The following RIN3 variants were observed in gnomAD, a reference collection of about 807,000 sequenced individuals.
RIN3 encodes the protein RAB5 interacting protein 3.
A neutral mutation model predicts 76.3 loss-of-function variants in RIN3; 54 were observed. That is an observed-to-expected ratio of 0.71 (90% CI 0.57 to 0.89). The LOEUF (loss-of-function observed/expected upper bound fraction) is 0.89, where lower values mean the gene tolerates loss of function less well. Ranked by LOEUF, RIN3 falls within the 40% of genes least tolerant of loss-of-function variation. RIN3 has a pLI of 0.00. For missense variants in RIN3, 1,256 were observed against 1,322.1 expected (o/e 0.95, Z 0.78); for synonymous variants, 576 against 564.0 (o/e 1.02, Z -0.30).
chr14:92,625,902 G>A (rs1011305474), intron 4 of RIN3, among the ~76,000 whole-genome samples: 10 of 152,090 alleles, frequency 6.6e-5, no homozygotes, highest in African/African-American at 2.4e-4. Context: ...GTTCCTCTCT[G>A]GACCGGTTTT....
At chr14:92,654,119 G>A (rs1887573865) in intron 6 of RIN3, among the ~76,000 whole-genome samples, 1 of 152,080 alleles carries the variant, frequency 6.6e-6, no homozygotes, top group South Asian at 2.1e-4. Context: ...TTCGAGACCA[G>A]CCTGGCCAAC....
At chr14:92,659,113 G>A in intron 6 of RIN3, 48 bp from the exon 7 acceptor site, 1 of 1,584,174 alleles carries the variant, frequency 6.3e-7, no homozygotes, top group Non-Finnish European at 8.6e-7. Flanking sequence ...CAGGTGGCAG[G>A]ATCCCTGCAT....
At chr14:92,616,441 T>C (rs1885969111) in intron 4 of RIN3, among the ~76,000 whole-genome samples, 1 of 150,892 alleles carries the variant, frequency 6.6e-6, no homozygotes, top group Non-Finnish European at 1.5e-5. Flanking sequence ...TGGCCTACAC[T>C]GTATGGAGAG....
At chr14:92,561,974 C>T (rs1243372429) in intron 2 of RIN3, among the ~76,000 whole-genome samples, 1 of 152,216 alleles carries the variant, frequency 6.6e-6, no homozygotes, top group Non-Finnish European at 1.5e-5. Flanking sequence ...GCGTGAGCCA[C>T]CATGCCTGGT....
chr14:92,561,044 A>AAAAATATATATATATATATAT (rs1555383856), intron 2 of RIN3, among the ~76,000 whole-genome samples: 1 of 24,404 alleles, frequency 4.1e-5, no homozygotes, highest in African/African-American at 1.3e-4. Flanking sequence ...AAAAAAAAAA[A>AAAAATATATATATATATATAT]ATATATATAT....
Position 92,651,669 on chromosome 14 carries a change from T to C in RIN3, c.620T>C (p.Val207Ala). ...PRDRAPGFPL[V>A]SSLRPTAHDA... is the part of the protein sequence containing the mutation. Reference sequence around the variant, plus strand: ...GACCGGGCCCCCGGATTCCCCCTAGTCTCCAGCCTCAGGCCCACAGCCCAT... The same window carrying C: ...GACCGGGCCCCCGGATTCCCCCTAGCCTCCAGCCTCAGGCCCACAGCCCAT... Residue 207 changes from valine (V) to alanine (A), a missense_variant, in exon 6 of 10, where the codon GTC (valine) becomes GCC (alanine). Physicochemically the swap from Val to Ala is moderately conservative, Grantham distance 64 (BLOSUM62 0). Transcript: ENST00000216487. 6.2e-7 allele frequency: 1 copy of C among 1,613,626 alleles called. No homozygotes were observed. Among genetic ancestry groups the C allele is most frequent in the Non-Finnish European group, 8.5e-7 (1 of 1,179,868 alleles).
chr14:92,688,777 G>A lies in RIN3; in HGVS notation c.*525G>A. On this transcript the variant is annotated 3_prime_UTR_variant, in exon 10 of 10. Transcript: ENST00000216487. The stretch of plus-strand genomic sequence containing the variant: ...ACCCCTGCACCAGAGCCTGCTCTTA[G>A]CTCCCGGTGCCCCCAGACCCCGCAG... The A allele has an allele frequency of 6.4e-6, 1 of 156,144 alleles. No individual in the cohort carries two copies. Among genetic ancestry groups the A allele is most frequent in the Non-Finnish European group, 1.4e-5 (1 of 70,656 alleles). The allele number at this position is 156,144 out of a possible 1,614,324, so 9.7% of individuals were successfully genotyped here. A position where few individuals can be genotyped will look rare whatever the true frequency, so the allele number is the denominator to read the frequency against.
At chr14:92,614,949 T>G (rs543106066) in intron 3 of RIN3, among the ~76,000 whole-genome samples, 113 of 151,352 alleles carry the variant, frequency 7.5e-4, no homozygotes, top group Middle Eastern at 3.4e-3. Context: ...GTTCAAGTGA[T>G]TCTCCTGCCT....
Position 92,659,220 on chromosome 14 carries a change from A to G in RIN3, c.2086A>G (p.Asn696Asp), listed in dbSNP as rs1887786234. 6.2e-7 allele frequency: 1 copy of G among 1,614,100 alleles called. No individual in the cohort carries two copies. Among genetic ancestry groups the G allele is most frequent in the Admixed American group, 1.7e-5 (1 of 59,998 alleles). Reference sequence around the variant, plus strand: ...CCTGAAGCCCCTGAAGGAAGCCATCAACTCATGCCTGCATCAGATCCACAG... The same window carrying G: ...CCTGAAGCCCCTGAAGGAAGCCATCGACTCATGCCTGCATCAGATCCACAG... ...CVLKPLKEAI[N>D]SCLHQIHSKD... Residue 696 changes from asparagine (N) to aspartate (D), a missense_variant, in exon 7 of 10, where the codon AAC becomes GAC. Transcript: ENST00000216487.
At chr14:92,684,732 A>G (rs986729390) in intron 8 of RIN3, among the ~76,000 whole-genome samples, 1 of 152,106 alleles carries the variant, frequency 6.6e-6, no homozygotes, top group Admixed American at 6.5e-5. Flanking sequence ...AATAAGCAAG[A>G]GTTTCGTCCC....
chr14:92,551,622 G>A (rs1203019415), intron 1 of RIN3, among the ~76,000 whole-genome samples: 1 of 152,182 alleles, frequency 6.6e-6, no homozygotes, highest in African/African-American at 2.4e-5. Flanking sequence ...GATGTTGTCA[G>A]TCATTTTAAT....
intron 1 of RIN3, among the ~76,000 whole-genome samples, chr14:92,533,529 A>G (rs1896928837): frequency 6.6e-6 from 1 of 152,214 alleles, no homozygotes; most frequent in African/African-American, 2.4e-5. Flanking sequence ...ATGAAATACT[A>G]CTCAGCAATA....
intron 3 of RIN3, among the ~76,000 whole-genome samples, chr14:92,612,222 C>T (rs1192971243): frequency 6.6e-6 from 1 of 152,220 alleles, no homozygotes; most frequent in Non-Finnish European, 1.5e-5. Context: ...AGAGAAGCAA[C>T]AACCTCGGCA....
In RIN3 at chr14:92,641,286, C is replaced by T; in HGVS notation, c.489C>T (p.Ala163=). 6.2e-7 allele frequency: 1 copy of T among 1,614,144 alleles called. No homozygotes were observed. The highest frequency in any genetic ancestry group is 8.5e-7 in the Non-Finnish European group (1 of 1,179,986). ...GGCTACCCCAGGCCATCCTTGAGGC[C>T]AGCAGCTTCACGGACCTTGAGACCA... ...TLRLPQAILE[A]SSFTDLETIA... The change falls in exon 5 of 10, where the codon GCC becomes GCT. Residue 163 remains alanine (A), a synonymous_variant. Transcript: ENST00000216487.
chr14:92,587,007 C>G (rs1195151943), intron 3 of RIN3, among the ~76,000 whole-genome samples: 4 of 152,182 alleles, frequency 2.6e-5, no homozygotes, highest in Middle Eastern at 3.2e-3. Context: ...GGGTAGAACT[C>G]TGTTGGGGGA....
intron 3 of RIN3, among the ~76,000 whole-genome samples, chr14:92,582,472 G>T (rs762544666): frequency 8.4e-6 from 1 of 118,446 alleles, no homozygotes; most frequent in Non-Finnish European, 1.7e-5. Flanking sequence ...CCCTGAGATG[G>T]AGTCTTGCTC....
At chr14:92,599,874 T>G (rs150970132) in intron 3 of RIN3, among the ~76,000 whole-genome samples, 1 of 152,312 alleles carries the variant, frequency 6.6e-6, no homozygotes, top group Non-Finnish European at 1.5e-5. Context: ...TTGAGTTAGA[T>G]GACCAGCTAG....
rs1887509230 is a variant in RIN3, at chr14:92,652,699, C to T, written c.1650C>T (p.Tyr550=). Residue 550 remains tyrosine (Y), a synonymous_variant, in exon 6 of 10, where the codon TAC becomes TAT. Coordinates refer to ENST00000216487, the MANE Select transcript of RIN3 (RefSeq NM_024832.5). The surrounding 1 kb of genome is among the most constrained non-coding windows in gnomAD (Gnocchi z 6.4). ...TCATGGCCACCGACCAGGACTCCTA[C>T]TCCACCAGCAGCACGGAGGAGGAGC... ...VSVMATDQDS[Y]STSSTEEELE... 2 of 1,613,498 alleles carry T rather than the reference C, an allele frequency of 1.2e-6. No individual in the cohort carries two copies. Among genetic ancestry groups the T allele is most frequent in the Non-Finnish European group, 1.7e-6 (2 of 1,180,042 alleles).
chr14:92,655,304 T>C (rs773508020), intron 6 of RIN3, among the ~76,000 whole-genome samples: 8 of 152,176 alleles, frequency 5.3e-5, no homozygotes, highest in Non-Finnish European at 1.0e-4. Context: ...GCCGAGATTG[T>C]GCCACTGCAC....
Sources: gnomAD v4.1 joint callset for allele counts (sites outside exome capture counted in the v4.1 genomes callset) on GRCh38, gnomAD v4.1.1 for gene constraint, Gnocchi (gnomAD v3.1) non-coding constraint, MANE v1.5 for transcripts, NCBI Gene and HGNC (gene_info 2026-07-23, HGNC 2026-07-21) for gene names.